Variants in HOXA7 observed in about 807,000 individuals in gnomAD.
HOXA7 encodes the protein homeobox protein Hox-A7.
In HOXA7, 16 loss-of-function variants were observed where a neutral mutation model predicts 16.8. The ratio of observed to expected loss-of-function variants is 0.95; its 90% CI spans 0.64 to 1.44. The LOEUF (loss-of-function observed/expected upper bound fraction) is 1.44. Among genes scored for constraint, HOXA7 ranks in the 40% most tolerant of loss-of-function variants. The pLI, the probability that HOXA7 is intolerant of heterozygous loss-of-function variation, is 0.00. For missense variants in HOXA7, 379 were observed against 328.6 expected (o/e 1.15, Z -1.19); for synonymous variants, 169 against 144.3 (o/e 1.17, Z -1.23).
Position 27,154,814 on chromosome 7 carries a change from T to C in HOXA7, c.*95A>G. 6.8e-7 allele frequency: 1 copy of C among 1,460,844 alleles called. No homozygotes were observed. The highest frequency in any genetic ancestry group is 9.0e-7 in the Non-Finnish European group (1 of 1,106,956). 90.5% of individuals were successfully genotyped at this position (1,460,844 alleles called of 1,614,324 possible). ...GTTTTTGTTTTTGTTTTTTACATTTTCTTTTATTTTTCCCATTTTTGTAAG... is the reference window on the plus strand; with the variant it reads ...GTTTTTGTTTTTGTTTTTTACATTTCCTTTTATTTTTCCCATTTTTGTAAG... On this transcript the variant is annotated 3_prime_UTR_variant, in exon 2 of 2. Coordinates refer to ENST00000242159, the MANE Select transcript of HOXA7 (RefSeq NM_006896.4).
chr7:27,155,394 G>T, intron 1 of HOXA7, 172 bp from the exon 2 acceptor site: 1 of 636,604 alleles, frequency 1.6e-6, no homozygotes, highest in South Asian at 1.9e-5. Context: ...GTTAGGGAAA[G>T]ACCCCAACTG....
rs750200293 is a variant in HOXA7 at position 27,156,300 on chromosome 7, G to T, written c.246C>A (p.Cys82Ter). 2.2e-5 allele frequency: 36 copies of T among 1,613,694 alleles called. No homozygotes were observed. Among genetic ancestry groups the T allele is most frequent in the African/African-American group, 2.7e-5 (2 of 74,954 alleles). Residue 82 changes from cysteine to a stop codon, truncating the protein, a stop_gained, in exon 1 of 2, where the codon TGC becomes TGA. Transcript: ENST00000242159. LOFTEE classifies it high-confidence loss of function. ...LGADAYGNLP[C>*]ASYDQNIPGL... Reference sequence around the variant, plus strand: ...CGGGGATGTTTTGGTCGTAGGAGGCGCAGGGCAGGTTGCCGTAGGCGTCGG... The same window carrying T: ...CGGGGATGTTTTGGTCGTAGGAGGCTCAGGGCAGGTTGCCGTAGGCGTCGG...
At position 27,155,236 on chromosome 7, in the gene HOXA7, T is replaced by C. The variant is rs2128066079; in HGVS notation, c.380-14A>G. On this transcript the variant is annotated splice_polypyrimidine_tract_variant and intron_variant, in intron 1 of 1. Transcript: ENST00000242159. The stretch of plus-strand genomic sequence containing the variant: ...TCCTGTCAGGTCCTGAGAACAGACA[T>C]GCAGACACATGAACACAAGGACAGA... The C allele has an allele frequency of 6.2e-7, 1 of 1,611,484 alleles. No individual in the cohort carries two copies. Among genetic ancestry groups the C allele is most frequent in the Middle Eastern group, 1.6e-4 (1 of 6,062 alleles).
At position 27,156,392 on chromosome 7, in the gene HOXA7, G is replaced by A; in HGVS notation, c.154C>T (p.Pro52Ser). 1.2e-6 allele frequency: 2 copies of A among 1,613,884 alleles called. No individual in the cohort carries two copies. Among genetic ancestry groups the A allele is most frequent in the Non-Finnish European group, 1.7e-6 (2 of 1,179,820 alleles). ...GGGCTGTTGACATTGTATAAGCCCG[G>A]AACGGTCGAGGCGAAGGCGCCGGCG... is the stretch of plus-strand genomic sequence containing the variant. ...AGAGAFASTV[P>S]GLYNVNSPLY... The change falls in exon 1 of 2, where the codon CCG becomes TCG. Residue 52 changes from proline (P) to serine (S), a missense_variant. By Grantham distance (74) the Pro-to-Ser change is moderately conservative. Coordinates refer to ENST00000242159, the MANE Select transcript of HOXA7 (RefSeq NM_006896.4).
Position 27,155,126 on chromosome 7 carries a change from C to G in HOXA7, c.476G>C (p.Arg159Pro). The G allele has an allele frequency of 6.2e-7, 1 of 1,614,250 alleles. No individual in the cohort carries two copies. Among genetic ancestry groups the G allele is most frequent in the Non-Finnish European group, 8.5e-7 (1 of 1,180,052 alleles). The change falls in exon 2 of 2, where the codon CGC becomes CCC. Residue 159 changes from arginine to proline, a missense_variant. Arg to Pro is a moderately radical substitution (Grantham distance 103). Transcript: ENST00000242159. ...FHFNRYLTRR[R>P]RIEIAHALCL... ...GAGCGCGTGGGCGATTTCAATGCGG[C>G]GGCGCCGCGTCAGGTAGCGGTTGAA...
chr7:27,155,020 C>A lies in HOXA7; in HGVS notation c.582G>T (p.Pro194=). 2 of 1,614,164 alleles carry A rather than the reference C, an allele frequency of 1.2e-6. No homozygotes were observed. Among genetic ancestry groups the A allele is most frequent in the Non-Finnish European group, 1.7e-6 (2 of 1,180,020 alleles). Residue 194 remains proline (P), a synonymous_variant, in exon 2 of 2, where the codon CCG becomes CCT. Coordinates refer to ENST00000242159, the MANE Select transcript of HOXA7 (RefSeq NM_006896.4). The part of the protein sequence containing the change: ...KWKKEHKDEG[P]TAAAAPEGAV... ...CGCCCTCGGGAGCTGCGGCGGCAGT[C>A]GGACCTTCGTCCTTATGCTCTTTCT... is the stretch of plus-strand genomic sequence containing the variant.
chr7:27,154,789 G>T lies in HOXA7; in HGVS notation c.*120C>A. 1 of 1,384,726 alleles carries T rather than the reference G, an allele frequency of 7.2e-7. No homozygotes were observed. 85.8% of individuals were successfully genotyped at this position (1,384,726 alleles called of 1,614,324 possible). A position where few individuals can be genotyped will look rare whatever the true frequency, so the allele number is the denominator to read the frequency against. On this transcript the variant is annotated 3_prime_UTR_variant, in exon 2 of 2. Transcript: ENST00000242159. ...AGGTTGGGGACTGGGTTGCTTTTTTGTTTTTGTTTTTGTTTTTTACATTTT... is the reference window on the plus strand; with the variant it reads ...AGGTTGGGGACTGGGTTGCTTTTTTTTTTTTGTTTTTGTTTTTTACATTTT...
chr7:27,155,282 T>C (rs1022359054), intron 1 of HOXA7, 60 bp from the exon 2 acceptor site: 1 of 1,497,680 alleles, frequency 6.7e-7, no homozygotes, highest in Non-Finnish European at 9.3e-7. Flanking sequence ...GGGCACTCGT[T>C]AGGCTGCTGT....
Position 27,156,506 on chromosome 7 carries a change from A to G in HOXA7, c.40T>C (p.Tyr14His). Residue 14 changes from tyrosine to histidine, a missense_variant, in exon 1 of 2, where the codon TAT (tyrosine) becomes CAT (histidine). Tyr to His is a moderately conservative substitution (Grantham distance 83). Transcript: ENST00000242159. ...TGGAACAGAGAAGCCCCCGCCGTAT[A>G]TTTGCTAAAAAGCGCGTTCACATAA... is the stretch of plus-strand genomic sequence containing the variant. ...SYYVNALFSKYTAGASLFQNA... is the reference protein window; with the variant it reads ...SYYVNALFSKHTAGASLFQNA... 5 of 1,587,250 alleles carry G rather than the reference A, an allele frequency of 3.2e-6. No homozygotes were observed. The highest frequency in any genetic ancestry group is 4.3e-6 in the Non-Finnish European group (5 of 1,164,242).
In HOXA7 at chr7:27,156,665, C is replaced by T; in HGVS notation, c.-120G>A. Reference sequence around the variant, plus strand: ...AAACCCCATTTTCTTTTGGACGGAGCTCGCCGCAGCACGTGACCGCCCACA... The same window carrying T: ...AAACCCCATTTTCTTTTGGACGGAGTTCGCCGCAGCACGTGACCGCCCACA... On this transcript the variant is annotated 5_prime_UTR_variant, in exon 1 of 2. Coordinates refer to ENST00000242159, the MANE Select transcript of HOXA7 (RefSeq NM_006896.4). 1 of 1,125,934 alleles carries T rather than the reference C, an allele frequency of 8.9e-7. No individual in the cohort carries two copies. The highest frequency in any genetic ancestry group is 1.3e-6 in the Non-Finnish European group (1 of 793,208). 69.7% of individuals were successfully genotyped at this position (1,125,934 alleles called of 1,614,324 possible). A position where few individuals can be genotyped will look rare whatever the true frequency, so the allele number is the denominator to read the frequency against.
At position 27,156,467 on chromosome 7, in the gene HOXA7, T is replaced by A; in HGVS notation, c.79A>T (p.Thr27Ser). ...GASLFQNAEP[T>S]SCSFAPNSQR... ...GAGTTGGGAGCAAAGGAGCAAGAAG[T>A]CGGCTCGGCATTTTGGAACAGAGAA... Residue 27 changes from threonine (T) to serine (S), a missense_variant, in exon 1 of 2, where the codon ACT becomes TCT. Transcript: ENST00000242159. The A allele has an allele frequency of 1.9e-6, 3 of 1,612,772 alleles. No individual in the cohort carries two copies. Among genetic ancestry groups the A allele is most frequent in the Non-Finnish European group, 2.5e-6 (3 of 1,179,140 alleles).
Position 27,156,536 on chromosome 7 carries a change from A to G in HOXA7, c.10T>C (p.Ser4Pro), listed in dbSNP as rs751666779. Reference sequence around the variant, plus strand: ...CTAAAAAGCGCGTTCACATAATACGAAGAACTCATAATTTTGACCTGTGAT... The same window carrying G: ...CTAAAAAGCGCGTTCACATAATACGGAGAACTCATAATTTTGACCTGTGAT... Reference protein sequence around the residue: MSSSYYVNALFSKY... With the variant: MSSPYYVNALFSKY... Residue 4 changes from serine to proline, a missense_variant, in exon 1 of 2, where the codon TCG becomes CCG. Physicochemically the swap from Ser to Pro is moderately conservative, Grantham distance 74. Transcript: ENST00000242159. The G allele has an allele frequency of 2.5e-6, 4 of 1,573,560 alleles. No homozygotes were observed. Among genetic ancestry groups the G allele is most frequent in the Admixed American group, 3.7e-5 (2 of 54,368 alleles).
intron 1 of HOXA7, 23 bp downstream of exon 1, chr7:27,156,144 G>T: frequency 6.8e-7 from 1 of 1,471,670 alleles, no homozygotes; most frequent in Non-Finnish European, 9.0e-7. Flanking sequence ...CGCCAGCCTG[G>T]CCCGCCTAGC....
In HOXA7 at chr7:27,154,666, C is replaced by A. The variant is rs1783070341; in HGVS notation, c.*243G>T. On this transcript the variant is annotated 3_prime_UTR_variant, in exon 2 of 2. Transcript: ENST00000242159. ...TGGGGTTGGGGGTGTCTTTTGGGGT[C>A]CTCGGAGGCAGAGGGAATCCAAGGC... The A allele has an allele frequency of 1.2e-5, 7 of 579,878 alleles. No homozygotes were observed. Among genetic ancestry groups the A allele is most frequent in the Admixed American group, 7.1e-5 (2 of 28,122 alleles). 35.9% of individuals were successfully genotyped at this position (579,878 alleles called of 1,614,324 possible). A position where few individuals can be genotyped will look rare whatever the true frequency, so the allele number is the denominator to read the frequency against.
intron 1 of HOXA7, 104 bp downstream of exon 1, chr7:27,156,063 T>G: frequency 1.5e-6 from 2 of 1,326,718 alleles, no homozygotes; most frequent in Non-Finnish European, 9.7e-7. Context: ...ACAGCCTGGC[T>G]CCGCTCTTCC....
At position 27,155,353 on chromosome 7, in the gene HOXA7, C is replaced by G. The variant is rs960695901; in HGVS notation, c.380-131G>C. 3.6e-6 allele frequency: 3 copies of G among 841,088 alleles called. No individual in the cohort carries two copies. The African/African-American group carries it at 5.1e-5, about 14-fold the overall frequency. 52.1% of individuals were successfully genotyped at this position (841,088 alleles called of 1,614,324 possible). On this transcript the variant is annotated intron_variant, in intron 1 of 1. Transcript: ENST00000242159. ...AGCGAGCATCCCCCTCTGCCCCAGG[C>G]CCCGAACTGAGCTAGGGGAGGAGGG...
At chr7:27,155,352 G>A (rs1034947737) in intron 1 of HOXA7, 130 bp from the exon 2 acceptor site, 6 of 840,602 alleles carry the variant, frequency 7.1e-6, no homozygotes, top group Non-Finnish European at 1.1e-5. Flanking sequence ...TCTGCCCCAG[G>A]CCCCGAACTG....
rs1421685155 is a variant in HOXA7, at chr7:27,155,266, T to C, written c.380-44A>G. The C allele has an allele frequency of 1.3e-5, 20 of 1,568,352 alleles. No homozygotes were observed. The Admixed American group carries it at 2.7e-4, about 21-fold the overall frequency. On this transcript the variant is annotated intron_variant, in intron 1 of 1. Coordinates refer to ENST00000242159, the MANE Select transcript of HOXA7 (RefSeq NM_006896.4). Reference sequence around the variant, plus strand: ...ACACATGAACACAAGGACAGACAAGTAGACAGGGCACTCGTTAGGCTGCTG... The same window carrying C: ...ACACATGAACACAAGGACAGACAAGCAGACAGGGCACTCGTTAGGCTGCTG...
chr7:27,155,956 C>T, intron 1 of HOXA7: 1 of 467,416 alleles, frequency 2.1e-6, no homozygotes, highest in Non-Finnish European at 3.5e-6. Context: ...TTATGAGCCT[C>T]ATTTACATAC....
Sources: gnomAD v4.1 joint callset for allele counts on GRCh38, gnomAD v4.1.1 for gene constraint, MANE v1.5 for transcripts, NCBI Gene and HGNC (gene_info 2026-07-23, HGNC 2026-07-21) for gene names.